SYCE1L: variants seen among roughly 807,000 people sequenced by gnomAD.
SYCE1L encodes the protein synaptonemal complex central element protein 1-like.
In SYCE1L, 51 loss-of-function variants were observed where a neutral mutation model predicts 39.6. The observed-to-expected ratio is 1.29, with a 90% CI of 1.03 to 1.63. The LOEUF (loss-of-function observed/expected upper bound fraction) is 1.63. Among genes scored for constraint, SYCE1L ranks in the 40% most tolerant of loss-of-function variants. SYCE1L has a pLI of 0.00. For missense variants in SYCE1L, 426 were observed against 304.9 expected, an observed-to-expected ratio of 1.40 and a Z score of -2.96; for synonymous variants, 147 against 122.4, an observed-to-expected ratio of 1.20 and a Z score of -1.33.
intron 2 of SYCE1L, among the ~76,000 whole-genome samples, chr16:77,207,283 C>G (rs988574349): frequency 6.6e-6 from 1 of 152,182 alleles, no homozygotes; most frequent in Non-Finnish European, 1.5e-5. Context: ...TTTATTAACC[C>G]CAGAGTGTCT....
chr16:77,200,533 G>T (rs556663469), intron 1 of SYCE1L: 1 of 151,082 alleles, frequency 6.6e-6, no homozygotes, highest in Non-Finnish European at 1.5e-5. Context: ...AGGCGGGTGG[G>T]TCACCTGAGG....
chr16:77,212,352 C>T lies in SYCE1L; in HGVS notation c.564C>T (p.Ala188=), dbSNP rs1400514529. 2.0e-6 allele frequency: 3 copies of T among 1,527,606 alleles called. No individual in the cohort carries two copies. Among genetic ancestry groups the T allele is most frequent in the African/African-American group, 1.4e-5 (1 of 71,596 alleles). The allele number at this position is 1,527,606 out of a possible 1,614,324, so 94.6% of individuals were successfully genotyped here. A position where few individuals can be genotyped will look rare whatever the true frequency, so the allele number is the denominator to read the frequency against. ...RLHSPPEVEG[A]MAVNDGLKAE... is the part of the protein sequence containing the mutation. ...ACTCGCCGCCTGAGGTCGAGGGCGC[C>T]ATGGCGGTGAATGACGGGTGAGAGG... The change falls in exon 9 of 11, where the codon GCC becomes GCT. Residue 188 remains alanine (A), a synonymous_variant. Transcript: ENST00000378644.
rs908248831 is a variant in SYCE1L, at chr16:77,199,457, G to A, written c.6G>A (p.Ala2=). Residue 2 remains alanine, a synonymous_variant, in exon 1 of 11, where the codon GCG becomes GCA. Transcript: ENST00000378644. Reference sequence around the variant, plus strand: ...CGCAGGCCCCGCGTTGGAAAATGGCGGGGAAGCTGAAACCTCTGAATGTGG... The same window carrying A: ...CGCAGGCCCCGCGTTGGAAAATGGCAGGGAAGCTGAAACCTCTGAATGTGG... The part of the protein sequence containing the change: M[A]GKLKPLNVEA... 13 of 1,551,396 alleles carry A rather than the reference G, an allele frequency of 8.4e-6. No individual in the cohort carries two copies. The Admixed American group carries it at 2.4e-4, about 28-fold the overall frequency.
chr16:77,201,244 A>G (rs2054739240), intron 1 of SYCE1L: 1 of 152,238 alleles, frequency 6.6e-6, no homozygotes, highest in South Asian at 2.1e-4. Context: ...GCATTCAACA[A>G]AAGACAGACG....
intron 1 of SYCE1L, among the ~76,000 whole-genome samples, chr16:77,205,446 A>T (rs2054779607): frequency 6.7e-6 from 1 of 149,564 alleles, no homozygotes; most frequent in Admixed American, 6.7e-5. Flanking sequence ...ATATATATAT[A>T]TATGTATACA....
At chr16:77,200,208 TTATATG>T (rs773612822) in intron 1 of SYCE1L, 1 of 141,418 alleles carries the variant, frequency 7.1e-6, no homozygotes, top group Non-Finnish European at 1.5e-5. Flanking sequence ...GTATGTGTAT[TTATATG>T]TATGTATGTA....
chr16:77,209,030 T>G, intron 4 of SYCE1L, 67 bp from the exon 5 acceptor site: 1 of 1,501,918 alleles, frequency 6.7e-7, no homozygotes, highest in South Asian at 1.2e-5. Flanking sequence ...GCTTTCCCCT[T>G]ATATGAAGTT....
chr16:77,211,129 G>T (rs2054819335), intron 6 of SYCE1L, 84 bp from the exon 7 acceptor site: 9 of 1,443,682 alleles, frequency 6.2e-6, no homozygotes, highest in Non-Finnish European at 8.6e-6. Context: ...GCATGGGCAG[G>T]ATCTGAAGGC....
rs557682616 is a variant in SYCE1L at position 77,208,259 on chromosome 16, T to A, written c.171T>A (p.Asp57Glu). 2 of 1,551,676 alleles carry A rather than the reference T, an allele frequency of 1.3e-6. No homozygotes were observed. Among genetic ancestry groups the A allele is most frequent in the African/African-American group, 1.4e-5 (1 of 73,150 alleles). The change falls in exon 3 of 11, where the codon GAT (aspartate) becomes GAA (glutamate). Residue 57 changes from aspartate to glutamate, a missense_variant. Coordinates refer to ENST00000378644, the MANE Select transcript of SYCE1L (RefSeq NM_001129979.3). ...QIEDLISRIN[D>E]LQQAKKKSSE... The stretch of plus-strand genomic sequence containing the variant: ...AGGACCTGATTAGCCGGATTAATGA[T>A]CTTCAGCAAGGTAAACTTGGGGACT...
chr16:77,208,160 G>C (rs1255083518), intron 2 of SYCE1L, 50 bp from the exon 3 acceptor site: 3 of 1,527,600 alleles, frequency 2.0e-6, no homozygotes, highest in South Asian at 2.4e-5. Flanking sequence ...GCCTTGGACA[G>C]CCAGACACCA....
In SYCE1L at chr16:77,213,036, C is replaced by G. The variant is rs1228200010; in HGVS notation, c.*105C>G. On this transcript the variant is annotated 3_prime_UTR_variant, in exon 11 of 11. Coordinates refer to ENST00000378644, the MANE Select transcript of SYCE1L (RefSeq NM_001129979.3). ...GTTCTCCGCGGAGTCTGTGCTACACCGTGGAGCGGGGCGGGGCGTGCTGGG... is the reference window on the plus strand; with the variant it reads ...GTTCTCCGCGGAGTCTGTGCTACACGGTGGAGCGGGGCGGGGCGTGCTGGG... 5 of 1,150,808 alleles carry G rather than the reference C, an allele frequency of 4.3e-6. No homozygotes were observed. The highest frequency in any genetic ancestry group is 5.6e-6 in the Non-Finnish European group (5 of 887,706). The allele number at this position is 1,150,808 out of a possible 1,614,324, so 71.3% of individuals were successfully genotyped here.
Position 77,199,485 on chromosome 16 carries a change from G to T in SYCE1L, c.34G>T (p.Ala12Ser). 7.1e-6 allele frequency: 11 copies of T among 1,551,538 alleles called. No homozygotes were observed. The highest frequency in any genetic ancestry group is 8.7e-6 in the Non-Finnish European group (10 of 1,146,964). Residue 12 changes from alanine (A) to serine (S), a missense_variant, in exon 1 of 11, where the codon GCG becomes TCG. Ala to Ser is a moderately conservative substitution (Grantham distance 99). Transcript: ENST00000378644. ...AGKLKPLNVE[A>S]PEATEEAEGQ... ...GAAGCTGAAACCTCTGAATGTGGAG[G>T]CGCCAGAAGCTACTGAGGAGGCTGA...
intron 1 of SYCE1L, among the ~76,000 whole-genome samples, chr16:77,204,497 C>T (rs1486147220): frequency 6.6e-6 from 1 of 152,054 alleles, no homozygotes; most frequent in East Asian, 1.9e-4. Context: ...CAGGGAAGAC[C>T]CAGTTTGTGG....
rs1270887912 is a variant in SYCE1L at position 77,212,955 on chromosome 16, G to A, written c.*24G>A. 30 of 1,474,164 alleles carry A rather than the reference G, an allele frequency of 2.0e-5. No homozygotes were observed. The highest frequency in any genetic ancestry group is 2.5e-5 in the Admixed American group (1 of 39,408). The allele number at this position is 1,474,164 out of a possible 1,614,324, so 91.3% of individuals were successfully genotyped here. Reference sequence around the variant, plus strand: ...AGGCCAGCAGGACCCGCCCGTTCCCGACCTTCCCTCGAGACCCGCCAAGAA... The same window carrying A: ...AGGCCAGCAGGACCCGCCCGTTCCCAACCTTCCCTCGAGACCCGCCAAGAA... On this transcript the variant is annotated 3_prime_UTR_variant, in exon 11 of 11. Coordinates refer to ENST00000378644, the MANE Select transcript of SYCE1L (RefSeq NM_001129979.3).
At chr16:77,207,603 G>A (rs919554171) in intron 2 of SYCE1L, among the ~76,000 whole-genome samples, 1 of 152,128 alleles carries the variant, frequency 6.6e-6, no homozygotes, top group African/African-American at 2.4e-5. Flanking sequence ...GGGCAGATGG[G>A]ACGTCTCCAT....
At position 77,212,116 on chromosome 16, in the gene SYCE1L, C is replaced by A. The variant is rs1392246325; in HGVS notation, c.424-14C>A. 1.9e-6 allele frequency: 3 copies of A among 1,547,118 alleles called. No individual in the cohort carries two copies. The highest frequency in any genetic ancestry group is 1.7e-6 in the Non-Finnish European group (2 of 1,145,662). ...GGACGGCCAAACGGGGAGGCCTCCT[C>A]TTTGTCCTCGCAGATGCTGGAGCAG... On this transcript the variant is annotated splice_polypyrimidine_tract_variant and intron_variant, in intron 7 of 10. Transcript: ENST00000378644.
chr16:77,208,686 C>G (rs2343037), intron 4 of SYCE1L, 147 bp downstream of exon 4: 410,045 of 806,988 alleles, frequency 0.51, 109,368 homozygotes, highest in Non-Finnish European at 0.56. Flanking sequence ...CATCTTTCAG[C>G]TCTCAGCTCA....
intron 1 of SYCE1L, chr16:77,200,888 T>C (rs1226328650): frequency 6.6e-6 from 1 of 152,172 alleles, no homozygotes; most frequent in African/African-American, 2.4e-5. Context: ...ACAAAGCCCA[T>C]GTGTACCTAT....
Position 77,212,168 on chromosome 16 carries a change from G to A in SYCE1L, c.462G>A (p.Leu154=), listed in dbSNP as rs954470374. 1.3e-6 allele frequency: 2 copies of A among 1,549,386 alleles called. No individual in the cohort carries two copies. The highest frequency in any genetic ancestry group is 1.2e-5 in the South Asian group (1 of 83,980). The change falls in exon 8 of 11, where the codon CTG becomes CTA. Residue 154 remains leucine (L), a synonymous_variant. Coordinates refer to ENST00000378644, the MANE Select transcript of SYCE1L (RefSeq NM_001129979.3). ...GACTGGCCCGGGAGATCCGTGCCCT[G>A]GAGAGAAGCAAGGAGCAGCTGCTCT... ...EQRLAREIRA[L]ERSKEQLLSE... is the part of the protein sequence containing the mutation.
Sources: gnomAD v4.1 joint callset for allele counts (sites outside exome capture counted in the v4.1 genomes callset) on GRCh38, gnomAD v4.1.1 for gene constraint, MANE v1.5 for transcripts, NCBI Gene and HGNC (gene_info 2026-07-23, HGNC 2026-07-21) for gene names.